SLC25A51: variants seen among roughly 807,000 people sequenced by gnomAD.
The protein encoded by SLC25A51 is mitochondrial nicotinamide adenine dinucleotide transporter SLC25A51.
Under a neutral mutation model 19.1 loss-of-function variants are expected in SLC25A51, and 11 were observed. The ratio of observed to expected loss-of-function variants is 0.58; its 90% CI spans 0.36 to 0.96. The LOEUF is 0.96. Among genes scored for constraint, SLC25A51 ranks in the 40% least tolerant of loss-of-function variants. The probability of loss-of-function intolerance (pLI) is 0.01; values close to 1 mark genes in which losing one functional copy is unlikely to be tolerated. For synonymous variants in SLC25A51, 105 were observed against 133.6 expected (o/e 0.79, Z 1.47); for missense variants, 201 against 365.4 (o/e 0.55, Z 3.67).
At chr9:37,887,186 G>A (rs1266651421), downstream of SLC25A51, among the ~76,000 whole-genome samples, 3 of 151,980 alleles carry the variant, frequency 2.0e-5, no homozygotes, top group African/African-American at 4.8e-5. Context: ...GCGTGGTGGC[G>A]GGCGCCTGTA....
downstream of SLC25A51, among the ~76,000 whole-genome samples, chr9:37,877,798 A>C (rs1483562696): frequency 6.6e-6 from 1 of 152,146 alleles, no homozygotes; most frequent in Non-Finnish European, 1.5e-5. Context: ...ACTTGAGCTC[A>C]GAAGTTTGAG....
chr9:37,889,047 C>T (rs1454257176), intron 2 of SLC25A51, among the ~76,000 whole-genome samples: 2 of 152,006 alleles, frequency 1.3e-5, no homozygotes, highest in Non-Finnish European at 2.9e-5. Context: ...ATTTTAAATT[C>T]CTAAAGACCC....
At chr9:37,885,342 TA>T (rs60095173), downstream of SLC25A51, among the ~76,000 whole-genome samples, 2,807 of 99,192 alleles carry the variant, frequency 0.028, 38 homozygotes, top group African/African-American at 0.053. Context: ...TAGGTAATGA[TA>T]AAAAAAAAAA....
chr9:37,901,633 G>C (rs1471367190), intron 1 of SLC25A51, among the ~76,000 whole-genome samples: 2 of 152,124 alleles, frequency 1.3e-5, no homozygotes, highest in African/African-American at 4.8e-5. Flanking sequence ...AAAATCTTCA[G>C]TGAGTCTAGT....
Position 37,899,885 on chromosome 9 carries a change from A to G in SLC25A51, c.-99T>C, listed in dbSNP as rs553873422. The G allele has an allele frequency of 1.3e-5, 2 of 156,046 alleles. No individual in the cohort carries two copies. Among genetic ancestry groups the G allele is most frequent in the South Asian group, 2.2e-4 (1 of 4,578 alleles). 9.7% of individuals were successfully genotyped at this position (156,046 alleles called of 1,614,324 possible). A position where few individuals can be genotyped will look rare whatever the true frequency, so the allele number is the denominator to read the frequency against. Reference sequence around the variant, plus strand: ...TGATAGCTTTGTGATAATGTTCCCAATTTCTTCCATTGTTATTGTTCTGTT... The same window carrying G: ...TGATAGCTTTGTGATAATGTTCCCAGTTTCTTCCATTGTTATTGTTCTGTT... On this transcript the variant is annotated 5_prime_UTR_variant, in exon 2 of 3. Coordinates refer to ENST00000242275, the MANE Select transcript of SLC25A51 (RefSeq NM_033412.4).
chr9:37,887,475 T>C (rs189353756), downstream of SLC25A51: 25 of 661,868 alleles, frequency 3.8e-5, no homozygotes, highest in African/African-American at 3.5e-4. Flanking sequence ...CTTTGTGTGG[T>C]AGGACTTGGA....
chr9:37,885,195 C>G (rs527448159), downstream of SLC25A51, among the ~76,000 whole-genome samples: 1 of 151,846 alleles, frequency 6.6e-6, no homozygotes, highest in Admixed American at 6.6e-5. Flanking sequence ...CTCCTCTGGC[C>G]GGTCACAGCC....
downstream of SLC25A51, among the ~76,000 whole-genome samples, chr9:37,883,005 G>A (rs1382608907): frequency 5.3e-5 from 8 of 152,118 alleles, no homozygotes; most frequent in East Asian, 5.8e-4. Flanking sequence ...CACCATACCC[G>A]GCTAGTTTTT....
downstream of SLC25A51, chr9:37,886,220 GCTGT>G: frequency 6.3e-7 from 1 of 1,581,722 alleles, no homozygotes; most frequent in Non-Finnish European, 8.7e-7. Flanking sequence ...GAAAGGACGG[GCTGT>G]CTCATGGACC....
chr9:37,892,182 G>A (rs915806979), intron 2 of SLC25A51, among the ~76,000 whole-genome samples: 1 of 152,174 alleles, frequency 6.6e-6, no homozygotes, highest in Non-Finnish European at 1.5e-5. Context: ...TAGACAACAG[G>A]GAGATAAATG....
chr9:37,895,848 C>T (rs1831703839), intron 2 of SLC25A51, among the ~76,000 whole-genome samples: 1 of 150,542 alleles, frequency 6.6e-6, no homozygotes, highest in Non-Finnish European at 1.5e-5. Flanking sequence ...GAGTCTCACT[C>T]TATCATCTAG....
intron 1 of SLC25A51, 38 bp from the exon 2 acceptor site, chr9:37,899,988 C>CTTTTGTTT: frequency 1.8e-5 from 1 of 57,072 alleles, no homozygotes. Context: ...TTTATATAGC[C>CTTTTGTTT]TTTTTTTTTT....
chr9:37,903,952 C>G (rs1310066007), intron 1 of SLC25A51, 116 bp downstream of exon 1: 1 of 152,446 alleles, frequency 6.6e-6, no homozygotes, highest in African/African-American at 2.4e-5. Flanking sequence ...GCGCAGAAGA[C>G]AGGGATGGGC....
downstream of SLC25A51, chr9:37,885,955 G>A (rs1831447008): frequency 5.6e-6 from 9 of 1,613,416 alleles, no homozygotes; most frequent in South Asian, 9.9e-5. Flanking sequence ...AACTAGAACG[G>A]GACAACAGGG....
At chr9:37,893,669 T>C (rs976735637) in intron 2 of SLC25A51, among the ~76,000 whole-genome samples, 1 of 152,234 alleles carries the variant, frequency 6.6e-6, no homozygotes, top group African/African-American at 2.4e-5. Flanking sequence ...CAGTTACTAA[T>C]GCGGTTAGAT....
intron 2 of SLC25A51, 47 bp from the exon 3 acceptor site, chr9:37,888,639 A>G (rs1156790182): frequency 1.4e-6 from 2 of 1,414,246 alleles, no homozygotes; most frequent in African/African-American, 2.9e-5. Flanking sequence ...ATAGAGAGCT[A>G]AACACATGGG....
intron 3 of SLC25A51, among the ~76,000 whole-genome samples, chr9:37,881,032 AG>A (rs1213645522): frequency 7.9e-5 from 12 of 152,342 alleles, no homozygotes; most frequent in Admixed American, 2.0e-4. Flanking sequence ...GACTTTTAGA[AG>A]CAACTGCTCC....
At chr9:37,896,200 G>A (rs529034536) in intron 2 of SLC25A51, among the ~76,000 whole-genome samples, 22 of 152,158 alleles carry the variant, frequency 1.4e-4, no homozygotes, top group Non-Finnish European at 2.9e-4. Flanking sequence ...ACTGATGACT[G>A]AACTTTGTTT....
Position 37,887,699 on chromosome 9 carries a change from G to A in SLC25A51, c.852C>T (p.Gly284=), listed in dbSNP as rs1252598376. ...LNYHRSLISW[G]IINATYEFLL... is the part of the protein sequence containing the mutation. ...AGAACTCATAAGTTGCATTGATTAT[G>A]CCCCAAGAGATGAGGGACCGATGGT... The change falls in exon 3 of 3, where the codon GGC becomes GGT. Residue 284 remains glycine (G), a synonymous_variant. Coordinates refer to ENST00000242275, the MANE Select transcript of SLC25A51 (RefSeq NM_033412.4). 1 of 1,613,296 alleles carries A rather than the reference G, an allele frequency of 6.2e-7. No individual in the cohort carries two copies. The highest frequency in any genetic ancestry group is 2.2e-5 in the East Asian group (1 of 44,878).
Sources: gnomAD v4.1 joint callset for allele counts (sites outside exome capture counted in the v4.1 genomes callset) on GRCh38, gnomAD v4.1.1 for gene constraint, MANE v1.5 for transcripts, NCBI Gene and HGNC (gene_info 2026-07-23, HGNC 2026-07-21) for gene names.